Variants in MAN1A1 observed in about 807,000 individuals in gnomAD.
MAN1A1 encodes the protein mannosidase alpha class 1A member 1.
Under a neutral mutation model 70.8 loss-of-function variants are expected in MAN1A1, and 29 were observed. The ratio of observed to expected loss-of-function variants is 0.41; its 90% CI spans 0.31 to 0.56. The LOEUF (loss-of-function observed/expected upper bound fraction) is 0.56. Ranked by LOEUF, MAN1A1 falls within the 20% of genes least tolerant of loss-of-function variation. The probability of loss-of-function intolerance (pLI) is 0.29; values close to 1 mark genes in which losing one functional copy is unlikely to be tolerated. For missense variants in MAN1A1, 747 were observed against 841.3 expected (o/e 0.89, Z 1.39); for synonymous variants, 349 against 330.1 (o/e 1.06, Z -0.62).
chr6:119,304,061 C>T (rs1002242299), intron 3 of MAN1A1, among the ~76,000 whole-genome samples: 2 of 150,468 alleles, frequency 1.3e-5, no homozygotes, highest in African/African-American at 4.9e-5. Context: ...GCACTCTGGA[C>T]GATCCAAGAC....
intron 4 of MAN1A1, among the ~76,000 whole-genome samples, chr6:119,298,599 CTTT>C (rs747748603): frequency 2.9e-5 from 4 of 137,994 alleles, no homozygotes; most frequent in African/African-American, 2.6e-5. Flanking sequence ...ATTAACTTTT[CTTT>C]TTTTTTTTTT....
chr6:119,184,579 G>A (rs991295685), intron 11 of MAN1A1, among the ~76,000 whole-genome samples: 1 of 152,146 alleles, frequency 6.6e-6, no homozygotes, highest in Non-Finnish European at 1.5e-5. Flanking sequence ...AGCCTGAGGA[G>A]GCAGGAGTAG....
intron 5 of MAN1A1, among the ~76,000 whole-genome samples, chr6:119,274,114 T>A (rs1009025670): frequency 1.2e-4 from 19 of 152,352 alleles, no homozygotes; most frequent in Middle Eastern, 3.4e-3. Context: ...GATCTAATCT[T>A]AGTTTAATCT....
intron 2 of MAN1A1, among the ~76,000 whole-genome samples, chr6:119,343,912 C>G (rs1316418090): frequency 6.6e-6 from 1 of 152,174 alleles, no homozygotes; most frequent in Non-Finnish European, 1.5e-5. Context: ...GTATTCAGCC[C>G]TCATCCCTCA....
At chr6:119,350,250 C>T (rs1052149676), upstream of MAN1A1, among the ~76,000 whole-genome samples, 2 of 152,168 alleles carry the variant, frequency 1.3e-5, no homozygotes, top group African/African-American at 4.8e-5. Context: ...CTGGGTCGTT[C>T]AGAAGCACGG....
chr6:119,256,153 G>T (rs1775451936), intron 5 of MAN1A1, among the ~76,000 whole-genome samples: 1 of 152,016 alleles, frequency 6.6e-6, no homozygotes, highest in Non-Finnish European at 1.5e-5. Flanking sequence ...AAGAATCAAG[G>T]TAGCTGTCCT....
At chr6:119,310,187 T>G (rs1772661834) in intron 2 of MAN1A1, among the ~76,000 whole-genome samples, 1 of 152,252 alleles carries the variant, frequency 6.6e-6, no homozygotes, top group Admixed American at 6.5e-5. Flanking sequence ...TACGTTGGAA[T>G]TTCCCTAGTA....
rs75150770 is a variant in MAN1A1, at chr6:119,324,395, T to G, written c.604-17403A>C. Among the ~76,000 whole-genome samples the G allele has an allele frequency of 6.6e-5, 10 of 152,318 alleles. No individual in the cohort carries two copies. In the East Asian group the frequency reaches 1.9e-3, roughly 29 times the overall value. ...GTAAGGCTTCCGGTCAGCAGTAGGCTATTGGTAGTTAAGTTTGGGGGGGAA... is the reference window on the plus strand; with the variant it reads ...GTAAGGCTTCCGGTCAGCAGTAGGCGATTGGTAGTTAAGTTTGGGGGGGAA... On this transcript the variant is annotated intron_variant, in intron 2 of 12. Coordinates refer to ENST00000368468, the MANE Select transcript of MAN1A1 (RefSeq NM_005907.4).
chr6:119,324,541 G>T (rs1305350409), intron 2 of MAN1A1, among the ~76,000 whole-genome samples: 4 of 152,148 alleles, frequency 2.6e-5, no homozygotes, highest in Non-Finnish European at 5.9e-5. Context: ...TGGAAAATTA[G>T]AAAATGAGAA....
Position 119,348,940 on chromosome 6 carries a change from G to A in MAN1A1, c.126C>T (p.Phe42=), listed in dbSNP as rs1331197595. The A allele has an allele frequency of 1.3e-6, 2 of 1,532,280 alleles. No homozygotes were observed. The highest frequency in any genetic ancestry group is 2.0e-5 in the Admixed American group (1 of 49,746). 94.9% of individuals were successfully genotyped at this position (1,532,280 alleles called of 1,614,324 possible). The part of the protein sequence containing the change: ...GPAALRLTEK[F]VLLLVFSAFI... ...AGGCGCTGAATACCAGCAGCAGCAC[G>A]AACTTCTCCGTCAGGCGGAGGGCGG... Residue 42 remains phenylalanine (F), a synonymous_variant, in exon 2 of 13, where the codon TTC becomes TTT. Transcript: ENST00000368468.
chr6:119,210,086 G>A (rs1774000018), intron 6 of MAN1A1, among the ~76,000 whole-genome samples: 1 of 152,146 alleles, frequency 6.6e-6, no homozygotes. Flanking sequence ...GTTTACTCTT[G>A]ACTCGCAGTA....
chr6:119,249,073 C>T (rs941212076), intron 5 of MAN1A1, among the ~76,000 whole-genome samples: 12 of 152,044 alleles, frequency 7.9e-5, no homozygotes, highest in African/African-American at 2.2e-4. Flanking sequence ...GAGAACTGTA[C>T]GCAGCATTGA....
chr6:119,348,376 G>T, intron 2 of MAN1A1, 87 bp downstream of exon 2: 1 of 1,300,258 alleles, frequency 7.7e-7, no homozygotes, highest in Non-Finnish European at 1.1e-6. Flanking sequence ...ACATTGCATT[G>T]TTGCAGTCTT....
intron 2 of MAN1A1, among the ~76,000 whole-genome samples, chr6:119,331,617 A>C (rs1773318517): frequency 1.4e-5 from 2 of 144,808 alleles, no homozygotes; most frequent in Admixed American, 1.4e-4. Flanking sequence ...GGATATAAAC[A>C]TACATGAACA....
At position 119,210,996 on chromosome 6, in the gene MAN1A1, A is replaced by G. The variant is rs541489916; in HGVS notation, c.993-6114T>C. 44 of 419,508 alleles carry G rather than the reference A, an allele frequency of 1.0e-4. 1 individual carries two copies. The highest frequency in any genetic ancestry group is 7.7e-4 in the South Asian group (44 of 57,214). The allele number at this position is 419,508 out of a possible 1,614,324, so 26.0% of individuals were successfully genotyped here. On this transcript the variant is annotated intron_variant, in intron 6 of 12. Transcript: ENST00000368468. ...AGGAGAAATCTACACACAATCATTT[A>G]TATCAAGATATTTTTCTAATAAGCT... is the stretch of plus-strand genomic sequence containing the variant.
chr6:119,198,768 A>G (rs1342258625), intron 8 of MAN1A1, among the ~76,000 whole-genome samples: 1 of 152,198 alleles, frequency 6.6e-6, no homozygotes, highest in African/African-American at 2.4e-5. Flanking sequence ...ATCCTTTGCT[A>G]TATGTTGTTT....
At chr6:119,228,971 C>CATAA (rs1774598159) in intron 6 of MAN1A1, among the ~76,000 whole-genome samples, 1 of 152,034 alleles carries the variant, frequency 6.6e-6, no homozygotes, top group South Asian at 2.1e-4. Context: ...TAAAAAGAAG[C>CATAA]ATAAACACAG....
chr6:119,332,248 T>A (rs898204828), intron 2 of MAN1A1, among the ~76,000 whole-genome samples: 1 of 152,158 alleles, frequency 6.6e-6, no homozygotes, highest in African/African-American at 2.4e-5. Flanking sequence ...ATCTCATTAT[T>A]GATTTCCTTA....
intron 2 of MAN1A1, chr6:119,332,145 G>T: frequency 1.1e-5 from 3 of 270,608 alleles, no homozygotes; most frequent in Admixed American, 5.2e-5. Context: ...CTCAACAAAT[G>T]GTATCCTGTA....
Sources: gnomAD v4.1 joint callset for allele counts (sites outside exome capture counted in the v4.1 genomes callset) on GRCh38, gnomAD v4.1.1 for gene constraint, MANE v1.5 for transcripts, NCBI Gene and HGNC (gene_info 2026-07-23, HGNC 2026-07-21) for gene names.